Variants in SRBD1 observed in about 807,000 individuals in gnomAD.
SRBD1 encodes S1 RNA-binding domain-containing protein 1.
In SRBD1, 88 loss-of-function variants were observed where a neutral mutation model predicts 115.3. The observed-to-expected ratio is 0.76, with a 90% confidence interval of 0.64 to 0.91. The LOEUF is 0.91. Ranked by LOEUF, SRBD1 falls within the 40% of genes least tolerant of loss-of-function variation. The probability of loss-of-function intolerance (pLI) is 0.00; values close to 1 mark genes in which losing one functional copy is unlikely to be tolerated. For missense variants in SRBD1, 1,385 were observed against 1,177.4 expected, an observed-to-expected ratio of 1.18 and a Z score of -2.58; for synonymous variants, 509 against 407.7, an observed-to-expected ratio of 1.25 and a Z score of -2.99.
chr2:45,461,367 T>G (rs1412902764), intron 16 of SRBD1, among the ~76,000 whole-genome samples: 1 of 152,204 alleles, frequency 6.6e-6, no homozygotes, highest in African/African-American at 2.4e-5. Context: ...TGACGGAGTC[T>G]TTCAAAAATA....
intron 9 of SRBD1, among the ~76,000 whole-genome samples, chr2:45,566,183 T>C (rs567437216): frequency 1.3e-5 from 2 of 152,288 alleles, no homozygotes; most frequent in South Asian, 2.1e-4. Flanking sequence ...AAAGCTACCA[T>C]ATAACACAGC....
chr2:45,429,544 T>C (rs1359690038), intron 16 of SRBD1, among the ~76,000 whole-genome samples: 2 of 151,792 alleles, frequency 1.3e-5, no homozygotes, highest in Admixed American at 1.3e-4. Context: ...TAACAAAAAC[T>C]ACATGATTAT....
intron 16 of SRBD1, among the ~76,000 whole-genome samples, chr2:45,441,249 G>C (rs1477833833): frequency 1.3e-5 from 2 of 152,180 alleles, no homozygotes; most frequent in African/African-American, 2.4e-5. Flanking sequence ...CATGGCGACA[G>C]AGCCCAGGCA....
At chr2:45,430,518 A>C (rs867354623) in intron 16 of SRBD1, among the ~76,000 whole-genome samples, 12 of 152,212 alleles carry the variant, frequency 7.9e-5, no homozygotes, top group African/African-American at 2.9e-4. Context: ...TTCTTTGACA[A>C]ATCTGACAAA....
rs901558095 is a variant in SRBD1, at chr2:45,416,441, A to T, written c.2333+1924T>A. On this transcript the variant is annotated intron_variant, in intron 18 of 20. Coordinates refer to ENST00000263736, the MANE Select transcript of SRBD1 (RefSeq NM_018079.5). ...TGGAAAAGTACAAGGCTTTAAAATA[A>T]GCTTCATCAATAAGACACTGATTAG... Among the ~76,000 whole-genome samples, 35 of 138,990 alleles carry T rather than the reference A, an allele frequency of 2.5e-4. 1 individual carries two copies. Among genetic ancestry groups the T allele is most frequent in the Non-Finnish European group, 3.2e-5 (2 of 63,462 alleles). The allele number at this position is 138,990 out of a possible 152,430, so 91.2% of individuals were successfully genotyped here.
chr2:45,584,283 C>T (rs1476158696), intron 5 of SRBD1, among the ~76,000 whole-genome samples: 1 of 152,226 alleles, frequency 6.6e-6, no homozygotes, highest in Non-Finnish European at 1.5e-5. Context: ...AGGGTTGCCC[C>T]TCTTAGACAG....
chr2:45,528,374 A>T (rs956735659), intron 14 of SRBD1, among the ~76,000 whole-genome samples: 2 of 151,886 alleles, frequency 1.3e-5, no homozygotes, highest in Non-Finnish European at 2.9e-5. Context: ...CATTTCAGAG[A>T]CAGAATCAAC....
At chr2:45,564,103 C>G (rs1459580683) in intron 9 of SRBD1, among the ~76,000 whole-genome samples, 1 of 152,104 alleles carries the variant, frequency 6.6e-6, no homozygotes. Flanking sequence ...CCAAGATCAA[C>G]TAGAATCAAT....
At chr2:45,399,113 T>C (rs1320640599) in intron 19 of SRBD1, among the ~76,000 whole-genome samples, 2 of 151,662 alleles carry the variant, frequency 1.3e-5, no homozygotes, top group African/African-American at 4.8e-5. Flanking sequence ...TTATGCAGCC[T>C]GATCACCCTT....
intron 4 of SRBD1, among the ~76,000 whole-genome samples, chr2:45,593,626 T>G (rs1406746509): frequency 6.6e-6 from 1 of 152,354 alleles, no homozygotes; most frequent in East Asian, 1.9e-4. Context: ...CCAGGCAGCA[T>G]CTGCATTTTA....
chr2:45,534,362 C>A (rs1417861650), intron 14 of SRBD1, among the ~76,000 whole-genome samples: 2 of 151,782 alleles, frequency 1.3e-5, no homozygotes, highest in African/African-American at 2.4e-5. Flanking sequence ...AGAAAGGAAA[C>A]ACTATAAACA....
intron 14 of SRBD1, among the ~76,000 whole-genome samples, chr2:45,512,385 T>C (rs1428861116): frequency 6.6e-6 from 1 of 152,204 alleles, no homozygotes; most frequent in Non-Finnish European, 1.5e-5. Flanking sequence ...CCTAGTTTAC[T>C]GAGAATACGC....
At chr2:45,557,142 A>G (rs556206568) in intron 10 of SRBD1, among the ~76,000 whole-genome samples, 3 of 152,332 alleles carry the variant, frequency 2.0e-5, no homozygotes, top group African/African-American at 7.2e-5. Context: ...CTTCTAGGAA[A>G]TAAAGTGGCA....
chr2:45,490,140 G>A (rs897581809), intron 14 of SRBD1, among the ~76,000 whole-genome samples: 1 of 152,000 alleles, frequency 6.6e-6, no homozygotes, highest in African/African-American at 2.4e-5. Context: ...AATGATCAAG[G>A]AGAAAATGTA....
At chr2:45,397,291 C>T (rs950206754) in intron 19 of SRBD1, among the ~76,000 whole-genome samples, 6 of 152,122 alleles carry the variant, frequency 3.9e-5, no homozygotes, top group Non-Finnish European at 8.8e-5. Context: ...AAATCTGTTA[C>T]TGTTTCTATA....
At chr2:45,415,966 A>T (rs768623302) in intron 18 of SRBD1, among the ~76,000 whole-genome samples, 24 of 152,254 alleles carry the variant, frequency 1.6e-4, no homozygotes, top group Non-Finnish European at 3.1e-4. Flanking sequence ...CAATTTAAGG[A>T]TGATCATAAG....
At chr2:45,414,554 AGT>A (rs987722676) in intron 18 of SRBD1, among the ~76,000 whole-genome samples, 11 of 150,950 alleles carry the variant, frequency 7.3e-5, no homozygotes, top group African/African-American at 9.7e-5. Flanking sequence ...TAGTGTCTGT[AGT>A]GTGTGTACAC....
chr2:45,494,029 T>A (rs375983139), intron 14 of SRBD1, among the ~76,000 whole-genome samples: 1 of 151,974 alleles, frequency 6.6e-6, no homozygotes, highest in Non-Finnish European at 1.5e-5. Context: ...TTCAAAAAAA[T>A]TAAACTGCAC....
chr2:45,396,966 G>A lies in SRBD1; in HGVS notation c.2514-3837C>T, dbSNP rs1030786584. 4.6e-5 allele frequency among the ~76,000 whole-genome samples: 7 copies of A among 152,044 alleles called. No homozygotes were observed. The East Asian group carries it at 1.4e-3, about 29-fold the overall frequency. ...GATTTACAACTCCACCAAGAACCAT[G>A]CTATAAGGGCAAAGTACATCTAATA... On this transcript the variant is annotated intron_variant, in intron 19 of 20. Transcript: ENST00000263736.
Sources: gnomAD v4.1 joint callset for allele counts (sites outside exome capture counted in the v4.1 genomes callset) on GRCh38, gnomAD v4.1.1 for gene constraint, MANE v1.5 for transcripts, NCBI Gene and HGNC (gene_info 2026-07-23, HGNC 2026-07-21) for gene names.